ACVR1C: variants seen among roughly 807,000 people sequenced by gnomAD.
The protein encoded by ACVR1C is activin receptor type-1C.
ACVR1C carries 23 observed loss-of-function variants against 57.9 expected under a neutral mutation model. The ratio of observed to expected loss-of-function variants is 0.40; its 90% CI spans 0.29 to 0.56. The LOEUF (loss-of-function observed/expected upper bound fraction) is 0.56, where lower values mean the gene tolerates loss of function less well. Among genes scored for constraint, ACVR1C ranks in the 20% least tolerant of loss-of-function variants. The probability of loss-of-function intolerance (pLI) is 0.50; values close to 1 mark genes in which losing one functional copy is unlikely to be tolerated. For synonymous variants in ACVR1C, 214 were observed against 215.3 expected (o/e 0.99, Z 0.05); for missense variants, 480 against 607.9 (o/e 0.79, Z 2.21).
intron 8 of ACVR1C, among the ~76,000 whole-genome samples, chr2:157,536,952 A>G (rs546955457): frequency 1.3e-5 from 2 of 152,320 alleles, no homozygotes; most frequent in South Asian, 2.1e-4. Context: ...AAGTCATTGC[A>G]TTAAAAAACT....
At chr2:157,585,100 G>T (rs764632827) in intron 2 of ACVR1C, among the ~76,000 whole-genome samples, 1 of 152,124 alleles carries the variant, frequency 6.6e-6, no homozygotes, top group Non-Finnish European at 1.5e-5. Context: ...GTGGGACTGA[G>T]AATATTTTGA....
intron 8 of ACVR1C, among the ~76,000 whole-genome samples, chr2:157,536,563 T>C (rs1360866553): frequency 6.6e-6 from 1 of 152,166 alleles, no homozygotes; most frequent in Admixed American, 6.5e-5. Context: ...AGACAAACCA[T>C]TTGTTCAAGA....
chr2:157,578,953 T>C (rs970881041), intron 2 of ACVR1C, among the ~76,000 whole-genome samples: 1 of 152,236 alleles, frequency 6.6e-6, no homozygotes, highest in Non-Finnish European at 1.5e-5. Context: ...TTGAATTTAA[T>C]GTTAAATTGA....
chr2:157,561,048 T>C (rs1688221139), intron 2 of ACVR1C, among the ~76,000 whole-genome samples: 1 of 152,206 alleles, frequency 6.6e-6, no homozygotes, highest in Non-Finnish European at 1.5e-5. Context: ...AGATATGTGC[T>C]GCTGGAAAAT....
At chr2:157,582,360 A>T (rs754826540) in intron 2 of ACVR1C, among the ~76,000 whole-genome samples, 5 of 152,166 alleles carry the variant, frequency 3.3e-5, no homozygotes, top group African/African-American at 1.2e-4. Flanking sequence ...TTTCTTGTAG[A>T]CATTAATTAG....
intron 8 of ACVR1C, among the ~76,000 whole-genome samples, chr2:157,536,647 A>T (rs1241113820): frequency 6.6e-6 from 1 of 152,170 alleles, no homozygotes; most frequent in Non-Finnish European, 1.5e-5. Context: ...TTCTCTAAAA[A>T]AATTAAATAA....
Position 157,550,180 on chromosome 2 carries a change from T to G in ACVR1C, c.757A>C (p.Ile253Leu), listed in dbSNP as rs576945858. The change falls in exon 4 of 9, where the codon ATT (isoleucine) becomes CTT (leucine). Residue 253 changes from isoleucine to leucine, a missense_variant. Transcript: ENST00000243349. ...MLRHENILGF[I>L]AADNKDNGTW... The stretch of plus-strand genomic sequence containing the variant: ...GAAATACCTTTGTTGTCAGCAGCAA[T>G]GAAACCAAGGATGTTTTCATGTCGC... The G allele has an allele frequency of 3.1e-6, 5 of 1,614,144 alleles. No individual in the cohort carries two copies. The South Asian group carries it at 5.5e-5, about 18-fold the overall frequency.
At chr2:157,615,286 G>A (rs1682617016) in intron 1 of ACVR1C, among the ~76,000 whole-genome samples, 1 of 149,894 alleles carries the variant, frequency 6.7e-6, no homozygotes, top group African/African-American at 2.5e-5. Flanking sequence ...GAGCACTGTA[G>A]TGAGACCCTG....
At chr2:157,556,484 G>C in intron 2 of ACVR1C, 152 bp from the exon 3 acceptor site, 1 of 1,003,500 alleles carries the variant, frequency 1.0e-6, no homozygotes, top group Non-Finnish European at 1.4e-6. Flanking sequence ...TGTGGTATAA[G>C]CAAAGATGGA....
intron 1 of ACVR1C, among the ~76,000 whole-genome samples, chr2:157,590,170 ATAAATG>A (rs1689029388): frequency 6.6e-6 from 1 of 151,958 alleles, no homozygotes; most frequent in Non-Finnish European, 1.5e-5. Flanking sequence ...ACAAAAATAA[ATAAATG>A]TATTATTAAT....
intron 3 of ACVR1C, 34 bp downstream of exon 3, chr2:157,556,059 T>C: frequency 1.3e-6 from 2 of 1,582,822 alleles, no homozygotes; most frequent in East Asian, 2.2e-5. Flanking sequence ...AAAAGTGTTT[T>C]CTTATTTTAA....
rs777666578 is a variant in ACVR1C, at chr2:157,556,291, T to C, written c.346A>G (p.Ile116Val). The C allele has an allele frequency of 2.5e-6, 4 of 1,614,182 alleles. No individual in the cohort carries two copies. The highest frequency in any genetic ancestry group is 2.2e-5 in the East Asian group (1 of 44,884). Residue 116 changes from isoleucine to valine, a missense_variant, in exon 3 of 9, where the codon ATC (isoleucine) becomes GTC (valine). Transcript: ENST00000243349. ...AGGCAAACAGGCACAGTAATAATGA[T>C]GGCCAGCTCCATGGGTCCAAGTTTT... The part of the protein sequence containing the change: ...APKLGPMELA[I>V]IITVPVCLLS...
rs184723892 is a variant in ACVR1C at position 157,530,264 on chromosome 2, A to G, written c.*3654T>C. The G allele has an allele frequency of 1.2e-4, 19 of 152,276 alleles. No individual in the cohort carries two copies. Among genetic ancestry groups the G allele is most frequent in the African/African-American group, 4.6e-4 (19 of 41,578 alleles). The allele number at this position is 152,276 out of a possible 1,614,324, so 9.4% of individuals were successfully genotyped here. ...AAATTTGTATATTTTAAATACATTT[A>G]TTTAGCCAAATACATTCTCATACTT... On this transcript the variant is annotated 3_prime_UTR_variant, in exon 9 of 9. Transcript: ENST00000243349.
At position 157,614,051 on chromosome 2, in the gene ACVR1C, G is replaced by C. The variant is rs796919728; in HGVS notation, c.73+14521C>G. On this transcript the variant is annotated intron_variant, in intron 1 of 8. Transcript: ENST00000243349. ...AAAATGAATGTCTTTAATCTCTTTAGGACTATTCAGGTTATTTATTATTTC... is the reference window on the plus strand; with the variant it reads ...AAAATGAATGTCTTTAATCTCTTTACGACTATTCAGGTTATTTATTATTTC... Among the ~76,000 whole-genome samples, 6 of 152,136 alleles carry C rather than the reference G, an allele frequency of 3.9e-5. 1 individual carries two copies. The East Asian group carries it at 1.2e-3, about 29-fold the overall frequency.
chr2:157,592,498 T>C (rs1214550577), intron 1 of ACVR1C, among the ~76,000 whole-genome samples: 3 of 152,120 alleles, frequency 2.0e-5, no homozygotes, highest in Non-Finnish European at 2.9e-5. Flanking sequence ...TTGTTAATGA[T>C]AATGGCTTCA....
chr2:157,561,569 T>C (rs1040693500), intron 2 of ACVR1C, among the ~76,000 whole-genome samples: 2 of 152,196 alleles, frequency 1.3e-5, no homozygotes, highest in Non-Finnish European at 2.9e-5. Context: ...GTGGAAATAA[T>C]ATGTACAGCT....
At chr2:157,595,199 A>C (rs1274121306) in intron 1 of ACVR1C, among the ~76,000 whole-genome samples, 2 of 152,242 alleles carry the variant, frequency 1.3e-5, no homozygotes, top group African/African-American at 4.8e-5. Context: ...ATCCCTTTGA[A>C]AGGATGAAAA....
At position 157,554,213 on chromosome 2, in the gene ACVR1C, A is replaced by AAGAAAGAG. The variant is rs1455716901; in HGVS notation, c.544+1879_544+1880insCTCTTTCT. The stretch of plus-strand genomic sequence containing the variant: ...AAAATAAAGAAGAGAGAAAGAAAGA[A>AAGAAAGAG]AGAAAGAAAGAAAGAAAGAAAGAAA... On this transcript the variant is annotated intron_variant, in intron 3 of 8. Transcript: ENST00000243349. Among the ~76,000 whole-genome samples the AAGAAAGAG allele has an allele frequency of 9.2e-5, 9 of 97,798 alleles. No homozygotes were observed. In the South Asian group the frequency reaches 1.2e-3, roughly 13 times the overall value. The allele number at this position is 97,798 out of a possible 152,430, so 64.2% of individuals were successfully genotyped here.
At chr2:157,573,869 G>A (rs1323083496) in intron 2 of ACVR1C, among the ~76,000 whole-genome samples, 1 of 152,090 alleles carries the variant, frequency 6.6e-6, no homozygotes, top group Admixed American at 6.5e-5. Context: ...AAAAATACTT[G>A]TCTAATATTA....
Sources: allele counts gnomAD v4.1 joint callset (sites outside exome capture counted in the v4.1 genomes callset), GRCh38; gene constraint gnomAD v4.1.1; transcripts MANE v1.5; gene names NCBI Gene and HGNC (gene_info 2026-07-23, HGNC 2026-07-21).